ZNF570: variants seen among roughly 807,000 people sequenced by gnomAD.
The protein encoded by ZNF570 is zinc finger protein 570.
A neutral mutation model predicts 14.2 loss-of-function variants in ZNF570; 8 were observed. The ratio of observed to expected loss-of-function variants is 0.56; its 90% CI spans 0.33 to 1.02. ZNF570 has a LOEUF of 1.02. ZNF570 is among the 50% of genes least tolerant of loss of function. The pLI is 0.03. For missense variants in ZNF570, 559 were observed against 624.9 expected (o/e 0.89, Z 1.12); for synonymous variants, 202 against 207.6 (o/e 0.97, Z 0.23).
chr19:37,471,027 T>G lies in ZNF570; in HGVS notation c.33+640T>G, dbSNP rs1184494432. Among the ~76,000 whole-genome samples, 207 of 140,794 alleles carry G rather than the reference T, an allele frequency of 1.5e-3. 2 individuals carry two copies. Among genetic ancestry groups the G allele is most frequent in the African/African-American group, 4.6e-3 (168 of 36,762 alleles). 92.4% of individuals were successfully genotyped at this position (140,794 alleles called of 152,430 possible). On this transcript the variant is annotated intron_variant, in intron 2 of 4. Transcript: ENST00000330173. ...TGAGTACATTTTTTTTTTTTTTTTT[T>G]TTGTTGAGACGGAGTCTTGCTCTGT...
Position 37,484,751 on chromosome 19 carries a change from C to T in ZNF570, c.1129C>T (p.Gln377Ter). The T allele has an allele frequency of 1.2e-6, 2 of 1,614,094 alleles. No homozygotes were observed. ...CCTTCGTGCATACCTTACTGTACAT[C>T]AGAGAATACATACTGGAGAGAGACC... Reference protein sequence around the residue: ...FSLRAYLTVHQRIHTGERPYE... With the variant: ...FSLRAYLTVH Residue 377 changes from glutamine to a stop codon, truncating the protein, a stop_gained, in exon 5 of 5, where the codon CAG (glutamine) becomes TAG (stop). Coordinates refer to ENST00000330173, the MANE Select transcript of ZNF570 (RefSeq NM_144694.5). LOFTEE classifies it low-confidence loss of function (END_TRUNC).
intron 4 of ZNF570, 43 bp from the exon 5 acceptor site, chr19:37,483,836 A>T (rs773523836): frequency 1.3e-6 from 2 of 1,523,894 alleles, no homozygotes; most frequent in Non-Finnish European, 1.8e-6. Flanking sequence ...GTACTTTCTG[A>T]TACTCAATAG....
rs1273039534 is a variant in ZNF570 at position 37,484,759 on chromosome 19, A to G, written c.1137A>G (p.Ile379Met). ...CATACCTTACTGTACATCAGAGAAT[A>G]CATACTGGAGAGAGACCCTATGAAT... ...LRAYLTVHQRIHTGERPYECK... is the reference protein window; with the variant it reads ...LRAYLTVHQRMHTGERPYECK... The change falls in exon 5 of 5, where the codon ATA becomes ATG. Residue 379 changes from isoleucine (I) to methionine (M), a missense_variant. Ile to Met is a conservative substitution (Grantham distance 10). Transcript: ENST00000330173. The G allele has an allele frequency of 3.1e-6, 5 of 1,613,412 alleles. No homozygotes were observed. The South Asian group carries it at 4.4e-5, about 14-fold the overall frequency.
At chr19:37,471,921 T>C (rs2041970105) in intron 2 of ZNF570, among the ~76,000 whole-genome samples, 1 of 151,352 alleles carries the variant, frequency 6.6e-6, no homozygotes, top group African/African-American at 2.4e-5. Flanking sequence ...ACTATTTTTT[T>C]TTTTTTTTTT....
chr19:37,474,289 AATATTTATAC>A (rs1476630114), intron 2 of ZNF570, among the ~76,000 whole-genome samples: 1 of 152,174 alleles, frequency 6.6e-6, no homozygotes, highest in Non-Finnish European at 1.5e-5. Flanking sequence ...GTCATATATA[AATATTTATAC>A]ATTTATTATA....
At chr19:37,478,404 A>C (rs530366053) in intron 4 of ZNF570, among the ~76,000 whole-genome samples, 1 of 152,264 alleles carries the variant, frequency 6.6e-6, no homozygotes, top group South Asian at 2.1e-4. Context: ...CTTCGTATGC[A>C]TTGGCCTTAT....
intron 4 of ZNF570, among the ~76,000 whole-genome samples, chr19:37,481,329 T>C (rs1041066482): frequency 2.6e-5 from 4 of 152,124 alleles, no homozygotes; most frequent in Non-Finnish European, 5.9e-5. Context: ...ATTTTTTGTA[T>C]TTTTAGTAGA....
chr19:37,475,055 C>T (rs2042008390), intron 2 of ZNF570, among the ~76,000 whole-genome samples: 1 of 151,758 alleles, frequency 6.6e-6, no homozygotes, highest in Non-Finnish European at 1.5e-5. Flanking sequence ...CCTCCGCCTC[C>T]TGGGTTCAAG....
chr19:37,470,249 G>A (rs1222399587), intron 1 of ZNF570, 55 bp from the exon 2 acceptor site: 3 of 1,543,954 alleles, frequency 1.9e-6, no homozygotes, highest in Non-Finnish European at 2.7e-6. Flanking sequence ...CTAGACTGGT[G>A]ATTCTGGATG....
upstream of ZNF570, chr19:37,468,127 C>G: frequency 1.6e-6 from 1 of 618,414 alleles, no homozygotes; most frequent in African/African-American, 1.8e-5. Flanking sequence ...CTTTGTTGCC[C>G]AGGCTGGAGA....
chr19:37,485,401 C>CT lies in ZNF570; in HGVS notation c.*176dup, dbSNP rs1046359071. The stretch of plus-strand genomic sequence containing the variant: ...TTTCCCACAATGCACTCAAACGGAT[C>CT]TTTTTTTTCTTTTTTTTTCTTTTTG... On this transcript the variant is annotated 3_prime_UTR_variant, in exon 5 of 5. Transcript: ENST00000330173. 2.8e-5 allele frequency: 17 copies of CT among 612,012 alleles called. No homozygotes were observed. Among genetic ancestry groups the CT allele is most frequent in the Middle Eastern group, 4.3e-4 (1 of 2,318 alleles). 37.9% of individuals were successfully genotyped at this position (612,012 alleles called of 1,614,324 possible). A position where few individuals can be genotyped will look rare whatever the true frequency, so the allele number is the denominator to read the frequency against.
upstream of ZNF570, chr19:37,467,845 A>G (rs1323787592): frequency 6.5e-7 from 1 of 1,534,454 alleles, no homozygotes; most frequent in Non-Finnish European, 8.7e-7. Flanking sequence ...CGCGTTTTAT[A>G]TTCTCGTGGC....
chr19:37,471,904 T>G (rs1003997022), intron 2 of ZNF570, among the ~76,000 whole-genome samples: 46 of 147,472 alleles, frequency 3.1e-4, no homozygotes, highest in African/African-American at 1.2e-3. Context: ...ACATCCAGAA[T>G]CAGACTACTA....
At chr19:37,475,230 C>T (rs1168875601) in intron 2 of ZNF570, among the ~76,000 whole-genome samples, 1 of 152,214 alleles carries the variant, frequency 6.6e-6, no homozygotes, top group Non-Finnish European at 1.5e-5. Context: ...TCCCAAAGTG[C>T]TGGGATTACA....
At chr19:37,482,552 C>A (rs1051574979) in intron 4 of ZNF570, among the ~76,000 whole-genome samples, 8 of 152,196 alleles carry the variant, frequency 5.3e-5, no homozygotes, top group Non-Finnish European at 1.2e-4. Flanking sequence ...CCCCACGATC[C>A]AGTCACCTCC....
At chr19:37,473,634 T>C (rs1402733065) in intron 2 of ZNF570, among the ~76,000 whole-genome samples, 2 of 152,122 alleles carry the variant, frequency 1.3e-5, no homozygotes, top group Non-Finnish European at 2.9e-5. Flanking sequence ...TGACTGGTAC[T>C]GACAAGGTCT....
chr19:37,483,808 A>G, intron 4 of ZNF570, 71 bp from the exon 5 acceptor site: 1 of 1,441,098 alleles, frequency 6.9e-7, no homozygotes, highest in Non-Finnish European at 9.3e-7. Context: ...TTTACTTTAC[A>G]GATGTACTTT....
rs889509486 is a variant in ZNF570, at chr19:37,485,546, C to G, written c.*313C>G. The G allele has an allele frequency of 4.2e-6, 1 of 237,078 alleles. No homozygotes were observed. The highest frequency in any genetic ancestry group is 5.0e-5 in the Admixed American group (1 of 19,934). The allele number at this position is 237,078 out of a possible 1,614,324, so 14.7% of individuals were successfully genotyped here. On this transcript the variant is annotated 3_prime_UTR_variant, in exon 5 of 5. Transcript: ENST00000330173. ...AAGCAATTCTCATGCATCAGCCTCC[C>G]GAGTAGCTGGGACTATAGACATGCA... is the stretch of plus-strand genomic sequence containing the variant.
intron 2 of ZNF570, among the ~76,000 whole-genome samples, chr19:37,474,408 G>T (rs534157802): frequency 1.3e-5 from 2 of 152,206 alleles, no homozygotes; most frequent in East Asian, 3.9e-4. Context: ...TAAGAAAAAA[G>T]GTGACTGAGC....
Sources: gnomAD v4.1 joint callset for allele counts (sites outside exome capture counted in the v4.1 genomes callset) on GRCh38, gnomAD v4.1.1 for gene constraint, MANE v1.5 for transcripts, NCBI Gene and HGNC (gene_info 2026-07-23, HGNC 2026-07-21) for gene names.